The following PTPRM variants were observed in gnomAD, a reference collection of about 807,000 sequenced individuals.
PTPRM encodes the protein protein tyrosine phosphatase receptor type M.
In PTPRM, 47 loss-of-function variants were observed where a neutral mutation model predicts 186.7. The ratio of observed to expected loss-of-function variants is 0.25; its 90% CI spans 0.20 to 0.32. The LOEUF (loss-of-function observed/expected upper bound fraction) is 0.32. Ranked by LOEUF, PTPRM falls within the 10% of genes least tolerant of loss-of-function variation. The probability of loss-of-function intolerance (pLI) is 1.00; values close to 1 mark genes in which losing one functional copy is unlikely to be tolerated. For synonymous variants in PTPRM, 668 were observed against 674.9 expected, an observed-to-expected ratio of 0.99 and a Z score of 0.16; for missense variants, 1,494 against 1,865.0, an observed-to-expected ratio of 0.80 and a Z score of 3.66.
intron 14 of PTPRM, among the ~76,000 whole-genome samples, chr18:8,216,151 A>T (rs1034378301): frequency 6.6e-6 from 1 of 152,092 alleles, no homozygotes; most frequent in African/African-American, 2.4e-5. Context: ...CATGGAAGTC[A>T]TAAAAACCTG....
intron 1 of PTPRM, among the ~76,000 whole-genome samples, chr18:7,711,999 C>T (rs1444867501): frequency 6.6e-6 from 1 of 152,120 alleles, no homozygotes; most frequent in Non-Finnish European, 1.5e-5. Context: ...GTCAGACTGC[C>T]TCCATAAGTG....
At chr18:8,289,053 C>A (rs570482946) in intron 19 of PTPRM, among the ~76,000 whole-genome samples, 1 of 152,234 alleles carries the variant, frequency 6.6e-6, no homozygotes, top group East Asian at 1.9e-4. Context: ...AGGTTCTGAG[C>A]CAGTTTTGAG....
intron 1 of PTPRM, among the ~76,000 whole-genome samples, chr18:7,711,642 G>T (rs987942528): frequency 1.3e-5 from 2 of 152,152 alleles, no homozygotes; most frequent in East Asian, 3.9e-4. Flanking sequence ...TGGACTTGGT[G>T]GGGGGAGTGG....
At chr18:7,650,693 G>A (rs542300641) in intron 1 of PTPRM, among the ~76,000 whole-genome samples, 35 of 151,802 alleles carry the variant, frequency 2.3e-4, no homozygotes, top group Non-Finnish European at 4.6e-4. Flanking sequence ...AGACTGTACC[G>A]AACCACCTTA....
chr18:8,369,829 A>G (rs2095653318), intron 23 of PTPRM, among the ~76,000 whole-genome samples: 1 of 152,188 alleles, frequency 6.6e-6, no homozygotes, highest in South Asian at 2.1e-4. Flanking sequence ...ATGTGCTTGT[A>G]GTCCTAGTTA....
At chr18:8,105,395 C>T (rs972960262) in intron 11 of PTPRM, among the ~76,000 whole-genome samples, 4 of 152,154 alleles carry the variant, frequency 2.6e-5, no homozygotes, top group African/African-American at 9.7e-5. Flanking sequence ...TGTCAGTCAT[C>T]TCTTTGAAAA....
rs764751935 is a variant in PTPRM at position 8,406,213 on chromosome 18, G to A, written c.*51G>A. The A allele has an allele frequency of 2.4e-5, 37 of 1,527,968 alleles. No individual in the cohort carries two copies. Among genetic ancestry groups the A allele is most frequent in the South Asian group, 1.5e-4 (13 of 86,946 alleles). 94.7% of individuals were successfully genotyped at this position (1,527,968 alleles called of 1,614,324 possible). A position where few individuals can be genotyped will look rare whatever the true frequency, so the allele number is the denominator to read the frequency against. On this transcript the variant is annotated 3_prime_UTR_variant, in exon 33 of 33. Transcript: ENST00000580170. The stretch of plus-strand genomic sequence containing the variant: ...CCCTTTCATACCACAAAGCCAAGAC[G>A]TTCCATGGTATTTGTGCAAAAGAGA...
intron 1 of PTPRM, among the ~76,000 whole-genome samples, chr18:7,685,058 A>T (rs1395172349): frequency 1.3e-5 from 2 of 152,198 alleles, no homozygotes; most frequent in Non-Finnish European, 2.9e-5. Context: ...GATCATTATT[A>T]TGCTTATGAT....
At chr18:7,610,526 G>A (rs1267634631) in intron 1 of PTPRM, among the ~76,000 whole-genome samples, 1 of 152,152 alleles carries the variant, frequency 6.6e-6, no homozygotes, top group Non-Finnish European at 1.5e-5. Context: ...GAGACAGGCT[G>A]GGGTATAATC....
chr18:8,025,755 G>T (rs1432525279), intron 7 of PTPRM, among the ~76,000 whole-genome samples: 1 of 152,192 alleles, frequency 6.6e-6, no homozygotes, highest in African/African-American at 2.4e-5. Context: ...AACCATTCCG[G>T]ATAAAAACAA....
intron 19 of PTPRM, among the ~76,000 whole-genome samples, chr18:8,258,488 TGTG>T (rs530321287): frequency 4.5e-4 from 68 of 152,190 alleles, no homozygotes; most frequent in African/African-American, 1.5e-3. Flanking sequence ...GGTCCAACGT[TGTG>T]GTGATCCTGT....
intron 7 of PTPRM, among the ~76,000 whole-genome samples, chr18:8,022,160 C>T (rs2085275848): frequency 6.6e-6 from 1 of 152,170 alleles, no homozygotes; most frequent in Non-Finnish European, 1.5e-5. Context: ...TGCCTCCCTT[C>T]ATTTTTTCTT....
At chr18:7,709,017 A>G (rs189562452) in intron 1 of PTPRM, among the ~76,000 whole-genome samples, 3 of 152,250 alleles carry the variant, frequency 2.0e-5, no homozygotes, top group Non-Finnish European at 2.9e-5. Flanking sequence ...TTCAACACCA[A>G]TTCCTCACTT....
chr18:7,819,057 A>G (rs762701057), intron 2 of PTPRM, among the ~76,000 whole-genome samples: 20 of 152,226 alleles, frequency 1.3e-4, no homozygotes, highest in Admixed American at 5.9e-4. Flanking sequence ...GATGGTCAGT[A>G]TGGTAAAGTA....
chr18:8,155,541 C>G (rs2093102505), intron 14 of PTPRM, among the ~76,000 whole-genome samples: 1 of 152,174 alleles, frequency 6.6e-6, no homozygotes, highest in Non-Finnish European at 1.5e-5. Flanking sequence ...CACATTTAAA[C>G]AGATGTACAT....
chr18:8,302,159 G>A (rs1317937296), intron 20 of PTPRM, among the ~76,000 whole-genome samples: 1 of 152,208 alleles, frequency 6.6e-6, no homozygotes, highest in African/African-American at 2.4e-5. Flanking sequence ...CACAGAAGGA[G>A]TTAACATGGT....
chr18:8,283,933 A>G (rs1372755958), intron 19 of PTPRM, among the ~76,000 whole-genome samples: 1 of 152,040 alleles, frequency 6.6e-6, no homozygotes, highest in East Asian at 1.9e-4. Flanking sequence ...CATTGTTCTT[A>G]TTAATACTAC....
intron 1 of PTPRM, among the ~76,000 whole-genome samples, chr18:7,595,958 C>G (rs2037246786): frequency 6.6e-6 from 1 of 152,168 alleles, no homozygotes. Flanking sequence ...TCATTTGAAT[C>G]TTTTCCCACT....
rs142267085 is a variant in PTPRM, at chr18:8,210,131, C to T, written c.2301-33927C>T. Among the ~76,000 whole-genome samples the T allele has an allele frequency of 4.8e-4, 72 of 151,450 alleles. 1 individual carries two copies. The highest frequency in any genetic ancestry group is 2.6e-3 in the Admixed American group (40 of 15,186). On this transcript the variant is annotated intron_variant, in intron 14 of 32. Coordinates refer to ENST00000580170, the MANE Select transcript of PTPRM (RefSeq NM_001105244.2). The stretch of plus-strand genomic sequence containing the variant: ...TTCAAGACCAGCCTGGCCAACATGG[C>T]GAAATCCTGTCTCCACTAAAAATGT...
Sources: allele counts gnomAD v4.1 joint callset (sites outside exome capture counted in the v4.1 genomes callset), GRCh38; gene constraint gnomAD v4.1.1; transcripts MANE v1.5; gene names NCBI Gene and HGNC (gene_info 2026-07-23, HGNC 2026-07-21).